The following ZNF492 variants were observed in gnomAD, a reference collection of about 807,000 sequenced individuals.
The protein encoded by ZNF492 is zinc finger protein 115 (Y20).
In ZNF492, 3 loss-of-function variants were observed where a neutral mutation model predicts 6.4. That is an observed-to-expected ratio of 0.47 (90% CI 0.21 to 1.22). ZNF492 has a LOEUF of 1.22. Among genes scored for constraint, ZNF492 ranks in the 50% most tolerant of loss-of-function variants. ZNF492 has a pLI of 0.22. For missense variants in ZNF492, 356 were observed against 612.5 expected (o/e 0.58, Z 4.42); for synonymous variants, 112 against 205.3 (o/e 0.55, Z 3.89).
chr19:22,637,255 G>C (rs1971778164), intron 1 of ZNF492, among the ~76,000 whole-genome samples: 1 of 152,040 alleles, frequency 6.6e-6, no homozygotes, highest in African/African-American at 2.4e-5. Context: ...GGGATTACAG[G>C]CGTGAGCCAT....
chr19:22,643,504 G>T (rs1247880879), intron 1 of ZNF492, among the ~76,000 whole-genome samples: 1 of 152,144 alleles, frequency 6.6e-6, no homozygotes. Context: ...GAGCCTAGGG[G>T]GAGCATCATC....
intron 1 of ZNF492, among the ~76,000 whole-genome samples, chr19:22,649,434 A>AGTG (rs1971917377): frequency 6.6e-6 from 1 of 152,098 alleles, no homozygotes; most frequent in Non-Finnish European, 1.5e-5. Context: ...GGAATATCTT[A>AGTG]GTGGTGTTCT....
chr19:22,651,608 A>G (rs1971940453), intron 1 of ZNF492, among the ~76,000 whole-genome samples: 1 of 151,986 alleles, frequency 6.6e-6, no homozygotes, highest in Non-Finnish European at 1.5e-5. Flanking sequence ...CTTACATGTC[A>G]TCAAGAATTC....
rs181475761 is a variant in ZNF492 at position 22,666,911 on chromosome 19, A to G, written c.*1646A>G. 1 of 152,176 alleles carries G rather than the reference A, an allele frequency of 6.6e-6. No individual in the cohort carries two copies. The highest frequency in any genetic ancestry group is 1.9e-4 in the East Asian group (1 of 5,192). The allele number at this position is 152,176 out of a possible 1,614,324, so 9.4% of individuals were successfully genotyped here. On this transcript the variant is annotated 3_prime_UTR_variant, in exon 4 of 4. Transcript: ENST00000456783. ...TATTCCACTTACTTTAACCTAGTCC[A>G]CCTTACTCAAGGGTGTAGGTAAAAG... is the stretch of plus-strand genomic sequence containing the variant.
intron 1 of ZNF492, among the ~76,000 whole-genome samples, chr19:22,648,757 A>G (rs550833195): frequency 6.6e-6 from 1 of 152,334 alleles, no homozygotes; most frequent in African/African-American, 2.4e-5. Context: ...GTCAGAGACT[A>G]GGATTCCATC....
chr19:22,646,894 G>A (rs1568353500), intron 1 of ZNF492, among the ~76,000 whole-genome samples: 1 of 152,004 alleles, frequency 6.6e-6, no homozygotes, highest in African/African-American at 2.4e-5. Context: ...ATAAGTTTTT[G>A]TTTTTGTTTT....
chr19:22,634,557 C>A, intron 1 of ZNF492, 83 bp downstream of exon 1: 2 of 1,251,064 alleles, frequency 1.6e-6, no homozygotes, highest in Non-Finnish European at 2.3e-6. Flanking sequence ...GGGACTCAGG[C>A]CTCCCCGCAG....
At chr19:22,647,257 G>GTTTTTTTTT (rs777750378) in intron 1 of ZNF492, among the ~76,000 whole-genome samples, 6 of 140,268 alleles carry the variant, frequency 4.3e-5, no homozygotes, top group Admixed American at 1.4e-4. Context: ...TTTGTTTGTT[G>GTTTTTTTTT]TTGTTTTTTT....
At chr19:22,636,345 C>T (rs1203548778) in intron 1 of ZNF492, among the ~76,000 whole-genome samples, 6 of 151,984 alleles carry the variant, frequency 3.9e-5, no homozygotes, top group African/African-American at 1.2e-4. Flanking sequence ...GTGATCTGCC[C>T]GCCTCGGCCC....
chr19:22,646,602 A>C (rs1207350442), intron 1 of ZNF492, among the ~76,000 whole-genome samples: 1 of 152,198 alleles, frequency 6.6e-6, no homozygotes, highest in Non-Finnish European at 1.5e-5. Context: ...ACTGGTTTTC[A>C]AAGAGAATGC....
At chr19:22,647,383 A>G (rs1410771768) in intron 1 of ZNF492, among the ~76,000 whole-genome samples, 17 of 146,474 alleles carry the variant, frequency 1.2e-4, no homozygotes, top group Non-Finnish European at 2.1e-4. Context: ...CAGCATCCCA[A>G]GTAGCCTGGA....
intron 3 of ZNF492, among the ~76,000 whole-genome samples, chr19:22,656,046 A>C (rs1173739359): frequency 1.4e-5 from 2 of 143,296 alleles, no homozygotes; most frequent in Non-Finnish European, 3.0e-5. Flanking sequence ...GCTGGTCTTG[A>C]ACTCCTGACC....
intron 1 of ZNF492, among the ~76,000 whole-genome samples, chr19:22,637,870 C>G (rs914424890): frequency 6.6e-6 from 1 of 152,122 alleles, no homozygotes; most frequent in Non-Finnish European, 1.5e-5. Context: ...TTCTCTGTAA[C>G]CTTGCCAGCA....
chr19:22,656,657 G>A (rs1226176610), intron 3 of ZNF492, among the ~76,000 whole-genome samples: 5 of 152,184 alleles, frequency 3.3e-5, no homozygotes, highest in Admixed American at 2.6e-4. Flanking sequence ...GCTGGGAGGA[G>A]TTTGGGATGA....
At chr19:22,655,339 A>C (rs1971983603) in intron 3 of ZNF492, among the ~76,000 whole-genome samples, 1 of 149,094 alleles carries the variant, frequency 6.7e-6, no homozygotes, top group Non-Finnish European at 1.5e-5. Context: ...AAATGTTTTT[A>C]AATTTATTTT....
Position 22,663,986 on chromosome 19 carries a change from C to G in ZNF492, c.317C>G (p.Thr106Arg). 3.7e-6 allele frequency: 6 copies of G among 1,611,520 alleles called. No homozygotes were observed. The highest frequency in any genetic ancestry group is 3.3e-5 in the South Asian group (3 of 90,868). ...ECYNGLNQCLTTTQNKIFQCD... is the reference protein window; with the variant it reads ...ECYNGLNQCLRTTQNKIFQCD... ...TACAATGGACTTAACCAGTGTTTGA[C>G]GACTACCCAGAACAAAATATTTCAA... Residue 106 changes from threonine to arginine, a missense_variant, in exon 4 of 4, where the codon ACG becomes AGG. Thr to Arg is a moderately conservative substitution (Grantham distance 71). Transcript: ENST00000456783.
chr19:22,664,610 G>A lies in ZNF492; in HGVS notation c.941G>A (p.Cys314Tyr), dbSNP rs4100182. The change falls in exon 4 of 4, where the codon TGT becomes TAT. Residue 314 changes from cysteine (C) to tyrosine (Y), a missense_variant. By Grantham distance (194) the Cys-to-Tyr change is radical. Transcript: ENST00000456783. ...TGEKFYKCEECGKAFSQLSHL... is the reference protein window; with the variant it reads ...TGEKFYKCEEYGKAFSQLSHL... Reference sequence around the variant, plus strand: ...GAGAAATTCTACAAATGTGAAGAATGTGGTAAGGCCTTTAGCCAGTTATCC... The same window carrying A: ...GAGAAATTCTACAAATGTGAAGAATATGGTAAGGCCTTTAGCCAGTTATCC... The A allele has an allele frequency of 0.015, 24,884 of 1,613,020 alleles. 2,838 individuals are homozygous for A. The African/African-American group carries it at 0.28, about 18-fold the overall frequency.
intron 3 of ZNF492, among the ~76,000 whole-genome samples, chr19:22,661,958 G>C (rs967950914): frequency 6.6e-6 from 1 of 152,076 alleles, no homozygotes; most frequent in Non-Finnish European, 1.5e-5. Context: ...TCTTTCTGCT[G>C]CTGTAAAACT....
At chr19:22,661,952 T>C (rs1972063079) in intron 3 of ZNF492, among the ~76,000 whole-genome samples, 3 of 152,182 alleles carry the variant, frequency 2.0e-5, no homozygotes, top group Admixed American at 2.0e-4. Context: ...CCACAGTCTT[T>C]CTGCTGCTGT....
Sources: gnomAD v4.1 joint callset for allele counts (sites outside exome capture counted in the v4.1 genomes callset) on GRCh38, gnomAD v4.1.1 for gene constraint, MANE v1.5 for transcripts, NCBI Gene and HGNC (gene_info 2026-07-23, HGNC 2026-07-21) for gene names.